The following KSR2 variants were observed in gnomAD, a reference collection of about 807,000 sequenced individuals.
KSR2 encodes kinase suppressor of ras 2.
KSR2 carries 25 observed loss-of-function variants against 107.8 expected under a neutral mutation model. The observed-to-expected ratio is 0.23, with a 90% CI of 0.17 to 0.32. The LOEUF (loss-of-function observed/expected upper bound fraction) is 0.32. Among genes scored for constraint, KSR2 ranks in the 10% least tolerant of loss-of-function variants. The pLI is 1.00. For synonymous variants in KSR2, 480 were observed against 507.0 expected (o/e 0.95, Z 0.71); for missense variants, 887 against 1,268.9 (o/e 0.70, Z 4.57).
intron 3 of KSR2, among the ~76,000 whole-genome samples, chr12:117,763,842 T>G (rs1889134186): frequency 1.3e-5 from 2 of 152,044 alleles, no homozygotes. Flanking sequence ...GGCTCTGGTT[T>G]GGGTGGTGGC....
At chr12:117,621,821 A>G (rs1000855111) in intron 5 of KSR2, among the ~76,000 whole-genome samples, 1 of 152,098 alleles carries the variant, frequency 6.6e-6, no homozygotes, top group Non-Finnish European at 1.5e-5. Context: ...AAAAATTTCA[A>G]AACCAAATAT....
chr12:117,861,378 C>CTTTTTTTTTTTTTTTTTTTTTTTTTTTTT lies in KSR2; in HGVS notation c.181-948_181-947insAAAAAAAAAAAAAAAAAAAAAAAAAAAAA. On this transcript the variant is annotated intron_variant, in intron 1 of 19. Transcript: ENST00000339824. The stretch of plus-strand genomic sequence containing the variant: ...TCTGTCCACAAGGACTCCCAATTCG[C>CTTTTTTTTTTTTTTTTTTTTTTTTTTTTT]TTTTTTTTTTTTTTTTTTTTTTTTT... 2.4e-5 allele frequency among the ~76,000 whole-genome samples: 2 copies of CTTTTTTTTTTTTTTTTTTTTTTTTTTTTT among 81,672 alleles called. 1 individual carries two copies. The highest frequency in any genetic ancestry group is 4.4e-5 in the Non-Finnish European group (2 of 44,986). 53.6% of individuals were successfully genotyped at this position (81,672 alleles called of 152,430 possible).
chr12:117,793,541 GCCAACATGCACACTCACA>G (rs1194295707), intron 3 of KSR2, among the ~76,000 whole-genome samples: 6 of 103,782 alleles, frequency 5.8e-5, no homozygotes, highest in African/African-American at 1.1e-4. Context: ...GTGCACTCAC[GCCAACATGCACACTCACA>G]CCAACATGCA....
intron 1 of KSR2, among the ~76,000 whole-genome samples, chr12:117,932,851 A>T (rs1243398342): frequency 2.0e-5 from 3 of 152,020 alleles, no homozygotes; most frequent in African/African-American, 4.8e-5. Flanking sequence ...CATCTCTACT[A>T]AAAATACAAA....
intron 4 of KSR2, among the ~76,000 whole-genome samples, chr12:117,708,898 T>C (rs886468255): frequency 1.2e-4 from 19 of 152,308 alleles, no homozygotes; most frequent in Admixed American, 1.0e-3. Flanking sequence ...TATGACCTTA[T>C]AGTTCTAGAA....
At chr12:117,691,835 C>G (rs1460091559) in intron 4 of KSR2, among the ~76,000 whole-genome samples, 1 of 152,252 alleles carries the variant, frequency 6.6e-6, no homozygotes. Context: ...CCTCCCCACA[C>G]TGGGTACTGG....
intron 8 of KSR2, 104 bp from the exon 9 acceptor site, chr12:117,555,397 A>T: frequency 1.3e-5 from 15 of 1,118,302 alleles, no homozygotes; most frequent in Non-Finnish European, 2.0e-5. Flanking sequence ...CACCCTCCAG[A>T]CTGGAGGACA....
At chr12:117,836,359 G>A (rs1160799327) in intron 3 of KSR2, among the ~76,000 whole-genome samples, 4 of 152,032 alleles carry the variant, frequency 2.6e-5, no homozygotes, top group South Asian at 2.1e-4. Context: ...TGCCAACACC[G>A]TACTTATTAG....
chr12:117,485,057 T>C (rs1872386628), intron 15 of KSR2, among the ~76,000 whole-genome samples: 1 of 152,222 alleles, frequency 6.6e-6, no homozygotes. Context: ...TTCTTTTTTA[T>C]TGCCTTTGTG....
intron 14 of KSR2, among the ~76,000 whole-genome samples, chr12:117,498,311 C>G (rs912159563): frequency 2.6e-5 from 4 of 152,140 alleles, no homozygotes; most frequent in Non-Finnish European, 4.4e-5. Context: ...CTTCCACCCC[C>G]CAAATTCAGG....
At chr12:117,652,502 C>T (rs1384639894) in intron 5 of KSR2, among the ~76,000 whole-genome samples, 1 of 152,112 alleles carries the variant, frequency 6.6e-6, no homozygotes, top group Non-Finnish European at 1.5e-5. Flanking sequence ...AACAGAGAAT[C>T]ACAGCCCCTC....
chr12:117,469,568 G>T, intron 19 of KSR2, 94 bp downstream of exon 19: 1 of 1,427,490 alleles, frequency 7.0e-7, no homozygotes, highest in Non-Finnish European at 9.6e-7. Context: ...GGAGCTTGTT[G>T]GGGGAGGAGT....
intron 16 of KSR2, among the ~76,000 whole-genome samples, chr12:117,480,589 C>T (rs553507446): frequency 6.6e-6 from 1 of 152,242 alleles, no homozygotes; most frequent in South Asian, 2.1e-4. Context: ...ATCCCTGCCT[C>T]GGGCTTGGTG....
intron 5 of KSR2, among the ~76,000 whole-genome samples, chr12:117,584,817 T>G (rs1879892664): frequency 6.6e-6 from 1 of 152,222 alleles, no homozygotes; most frequent in Admixed American, 6.5e-5. Flanking sequence ...TCCCTCTGTG[T>G]GGTCAGGCTA....
chr12:117,588,729 C>T (rs1880148864), intron 5 of KSR2, among the ~76,000 whole-genome samples: 1 of 152,216 alleles, frequency 6.6e-6, no homozygotes, highest in South Asian at 2.1e-4. Flanking sequence ...AACTGTTTCA[C>T]AGATGGCAAA....
Position 117,574,599 on chromosome 12 carries a change from C to T in KSR2, c.1325+4520G>A, listed in dbSNP as rs1311169468. On this transcript the variant is annotated intron_variant, in intron 7 of 19. Transcript: ENST00000339824. ...AGGACAGCATGCAGGAAATGGCCAC[C>T]ATGATTCAATTATCTCCTGCCGGGT... Among the ~76,000 whole-genome samples, 6 of 152,256 alleles carry T rather than the reference C, an allele frequency of 3.9e-5. No individual in the cohort carries two copies. In the South Asian group the frequency reaches 1.2e-3, roughly 32 times the overall value.
chr12:117,596,730 T>C (rs1305387213), intron 5 of KSR2, among the ~76,000 whole-genome samples: 2 of 152,182 alleles, frequency 1.3e-5, no homozygotes, highest in Non-Finnish European at 2.9e-5. Flanking sequence ...GGTTTATGAA[T>C]CATGATTAAC....
chr12:117,576,504 A>AT lies in KSR2; in HGVS notation c.1325+2614dup, dbSNP rs916185013. ...TGCTCCTGCTTCTCCTTAAAAAAAA[A>AT]TTTTTTTTTTTGAGACAGGGTCTTG... On this transcript the variant is annotated intron_variant, in intron 7 of 19. Coordinates refer to ENST00000339824, the MANE Select transcript of KSR2 (RefSeq NM_173598.6). Among the ~76,000 whole-genome samples, 1,052 of 149,138 alleles carry AT rather than the reference A, an allele frequency of 7.1e-3. 16 individuals are homozygous for AT. The highest frequency in any genetic ancestry group is 0.024 in the African/African-American group (969 of 40,744).
intron 5 of KSR2, among the ~76,000 whole-genome samples, chr12:117,629,821 A>G (rs183306491): frequency 3.9e-4 from 60 of 152,330 alleles, no homozygotes; most frequent in Non-Finnish European, 2.9e-5. Flanking sequence ...TGAGAAGTTA[A>G]AATAATGCAG....
Sources: gnomAD v4.1 joint callset for allele counts (sites outside exome capture counted in the v4.1 genomes callset) on GRCh38, gnomAD v4.1.1 for gene constraint, MANE v1.5 for transcripts, NCBI Gene and HGNC (gene_info 2026-07-23, HGNC 2026-07-21) for gene names.